SIPA1L3: variants seen among roughly 807,000 people sequenced by gnomAD.
SIPA1L3 encodes the protein signal-induced proliferation-associated 1-like protein 3.
A neutral mutation model predicts 150.1 loss-of-function variants in SIPA1L3; 59 were observed. The ratio of observed to expected loss-of-function variants is 0.39; its 90% CI spans 0.32 to 0.49. The LOEUF is 0.49. SIPA1L3 is among the 20% of genes least tolerant of loss of function. The probability of loss-of-function intolerance (pLI) is 0.86; values close to 1 mark genes in which losing one functional copy is unlikely to be tolerated. For missense variants in SIPA1L3, 2,211 were observed against 2,489.5 expected (o/e 0.89, Z 2.38); for synonymous variants, 1,070 against 1,077.6 (o/e 0.99, Z 0.14).
chr19:37,931,978 C>T (rs77598165), intron 1 of SIPA1L3, among the ~76,000 whole-genome samples: 5 of 152,324 alleles, frequency 3.3e-5, no homozygotes, highest in Non-Finnish European at 7.3e-5. Flanking sequence ...CTTAGAACAG[C>T]GCCTTGTGCA....
intron 1 of SIPA1L3, among the ~76,000 whole-genome samples, chr19:38,025,375 A>G (rs1968483335): frequency 6.6e-6 from 1 of 152,186 alleles, no homozygotes; most frequent in African/African-American, 2.4e-5. Context: ...GTCCCTTCCC[A>G]GGTGGTAGAA....
chr19:37,937,073 G>A (rs1256198509), intron 1 of SIPA1L3, among the ~76,000 whole-genome samples: 1 of 152,122 alleles, frequency 6.6e-6, no homozygotes, highest in Admixed American at 6.5e-5. Flanking sequence ...ATGTTGCCCA[G>A]GCTGGTTTCA....
rs553605935 is a variant in SIPA1L3, at chr19:37,946,077, C to T, written c.-379+38719C>T. Among the ~76,000 whole-genome samples, 6 of 151,840 alleles carry T rather than the reference C, an allele frequency of 4.0e-5. No individual in the cohort carries two copies. In the South Asian group the frequency reaches 6.2e-4, roughly 16 times the overall value. ...GGCTGAGGCAGGAGAATTGCTTGAA[C>T]GCGGGAGGCAGAGGTTGCAATGAAC... On this transcript the variant is annotated intron_variant, in intron 1 of 21. Transcript: ENST00000222345.
chr19:38,032,350 C>T (rs1265551966), intron 2 of SIPA1L3, among the ~76,000 whole-genome samples: 2 of 152,158 alleles, frequency 1.3e-5, no homozygotes, highest in African/African-American at 2.4e-5. Flanking sequence ...ACGTGGTAAC[C>T]AGGGCCTTAG....
intron 18 of SIPA1L3, among the ~76,000 whole-genome samples, chr19:38,195,793 T>TCTCC (rs1972910693): frequency 1.5e-4 from 3 of 20,040 alleles, no homozygotes; most frequent in African/African-American, 8.9e-4. Flanking sequence ...ACAGGCCCCG[T>TCTCC]CCCCCCCCGC....
Position 38,110,331 on chromosome 19 carries a change from C to T in SIPA1L3, c.2238C>T (p.His746=), listed in dbSNP as rs754538272. The T allele has an allele frequency of 1.3e-5, 21 of 1,614,010 alleles. No individual in the cohort carries two copies. Among genetic ancestry groups the T allele is most frequent in the East Asian group, 4.5e-5 (2 of 44,896 alleles). The change falls in exon 8 of 22, where the codon CAC becomes CAT. Residue 746 remains histidine, a synonymous_variant. Coordinates refer to ENST00000222345, the MANE Select transcript of SIPA1L3 (RefSeq NM_015073.3). ...TPKNIRSHFQ[H]VFIIVRVHNP... ...AGAACATCCGCTCCCACTTCCAGCA[C>T]GTCTTCATCATTGTCCGAGTCCACA...
rs1413705969 is a variant in SIPA1L3 at position 38,088,729 on chromosome 19, A to C, written c.1543A>C (p.Asn515His). 1.2e-6 allele frequency: 2 copies of C among 1,613,574 alleles called. No individual in the cohort carries two copies. Among genetic ancestry groups the C allele is most frequent in the Non-Finnish European group, 1.7e-6 (2 of 1,179,762 alleles). The part of the protein sequence containing the change: ...QDYFVGKEHA[N>H]YFGVDEKLGP... The stretch of plus-strand genomic sequence containing the variant: ...CTGCTCTTCCTTCTTAGAACATGCC[A>C]ATTACTTCGGCGTGGATGAGAAGCT... Residue 515 changes from asparagine (N) to histidine (H), a missense_variant, in exon 4 of 22, where the codon AAT becomes CAT. Physicochemically the swap from Asn to His is moderately conservative, Grantham distance 68 (BLOSUM62 1). Around this residue, in one of 5 missense-constraint regions of SIPA1L3, gnomAD observed 625 missense variants for 804.2 expected, o/e 0.78. Coordinates refer to ENST00000222345, the MANE Select transcript of SIPA1L3 (RefSeq NM_015073.3).
intron 2 of SIPA1L3, among the ~76,000 whole-genome samples, chr19:38,061,281 CTT>C (rs1969440345): frequency 6.6e-6 from 1 of 151,632 alleles, no homozygotes; most frequent in Admixed American, 6.6e-5. Flanking sequence ...CTAGGCTGGT[CTT>C]GAATTCCTGG....
rs56883776 is a variant in SIPA1L3, at chr19:37,918,871, AAAATAAAT to A, written c.-379+11553_-379+11560del. On this transcript the variant is annotated intron_variant, in intron 1 of 21. Transcript: ENST00000222345. The stretch of plus-strand genomic sequence containing the variant: ...GGGCGGCAGAGCGAGACTCGGTCTC[AAAATAAAT>A]AAATAAATAAATAAATAAATAAATA... Among the ~76,000 whole-genome samples the A allele has an allele frequency of 1.8e-3, 250 of 140,304 alleles. 1 individual carries two copies. Among genetic ancestry groups the A allele is most frequent in the East Asian group, 4.6e-3 (22 of 4,772 alleles). The allele number at this position is 140,304 out of a possible 152,430, so 92.0% of individuals were successfully genotyped here.
intron 20 of SIPA1L3, 101 bp downstream of exon 20, chr19:38,202,098 A>G (rs1973100076): frequency 1.6e-6 from 2 of 1,218,886 alleles, no homozygotes; most frequent in Admixed American, 5.4e-5. Flanking sequence ...CACCCCCACC[A>G]CTCTCCGGGC....
At chr19:37,933,106 G>A (rs906174797) in intron 1 of SIPA1L3, among the ~76,000 whole-genome samples, 5 of 152,242 alleles carry the variant, frequency 3.3e-5, no homozygotes, top group Admixed American at 2.0e-4. Context: ...ACTGCTTCAA[G>A]CCTGGGCACT....
chr19:38,167,120 A>C (rs1048356121), intron 15 of SIPA1L3, among the ~76,000 whole-genome samples: 1 of 150,240 alleles, frequency 6.7e-6, no homozygotes, highest in Non-Finnish European at 1.5e-5. Flanking sequence ...GTAGTCCCAG[A>C]TACTCGGGAG....
intron 3 of SIPA1L3, among the ~76,000 whole-genome samples, chr19:38,085,572 G>T (rs1044034657): frequency 1.3e-5 from 2 of 152,082 alleles, no homozygotes; most frequent in Admixed American, 6.6e-5. Context: ...TAGATGTAAA[G>T]GTTGAAAGCA....
chr19:38,099,627 G>A (rs1001146062), intron 4 of SIPA1L3, among the ~76,000 whole-genome samples: 3 of 152,104 alleles, frequency 2.0e-5, no homozygotes, highest in Non-Finnish European at 4.4e-5. Flanking sequence ...TGCCTCACAG[G>A]AGGCACTCAG....
intron 8 of SIPA1L3, among the ~76,000 whole-genome samples, chr19:38,111,440 G>A (rs1418382164): frequency 6.6e-6 from 1 of 152,138 alleles, no homozygotes; most frequent in Non-Finnish European, 1.5e-5. Context: ...GGGTATTACG[G>A]TTGTGATGCC....
chr19:38,190,189 G>T (rs967483819), intron 16 of SIPA1L3, among the ~76,000 whole-genome samples: 5 of 152,224 alleles, frequency 3.3e-5, no homozygotes, highest in African/African-American at 1.2e-4. Flanking sequence ...GAGCCTGTGG[G>T]CAGTGCACTG....
intron 1 of SIPA1L3, among the ~76,000 whole-genome samples, chr19:37,990,007 A>G (rs1252840473): frequency 6.6e-6 from 1 of 151,534 alleles, no homozygotes; most frequent in East Asian, 1.9e-4. Flanking sequence ...AGACCCCCCC[A>G]CCTGACCTTT....
intron 2 of SIPA1L3, among the ~76,000 whole-genome samples, chr19:38,043,574 A>T (rs560633411): frequency 1.3e-5 from 2 of 152,288 alleles, no homozygotes; most frequent in African/African-American, 4.8e-5. Flanking sequence ...CAGGCCCAAG[A>T]GGTTTAGGAA....
At chr19:38,045,071 G>C (rs936112575) in intron 2 of SIPA1L3, among the ~76,000 whole-genome samples, 3 of 152,138 alleles carry the variant, frequency 2.0e-5, no homozygotes, top group Non-Finnish European at 4.4e-5. Context: ...ACCACCTAGT[G>C]GGGGAGATAG....
Sources: gnomAD v4.1 joint callset for allele counts (sites outside exome capture counted in the v4.1 genomes callset) on GRCh38, gnomAD v4.1.1 for gene constraint, gnomAD v4.1.1 regional missense constraint, MANE v1.5 for transcripts, NCBI Gene and HGNC (gene_info 2026-07-23, HGNC 2026-07-21) for gene names.